The following SPATA13 variants were observed in gnomAD, a reference collection of about 807,000 sequenced individuals.
The protein encoded by SPATA13 is spermatogenesis associated 13.
A neutral mutation model predicts 104.0 loss-of-function variants in SPATA13; 50 were observed. The ratio of observed to expected loss-of-function variants is 0.48; its 90% CI spans 0.38 to 0.61. The LOEUF is 0.61. SPATA13 is among the 20% of genes least tolerant of loss of function. The pLI is 0.00. For synonymous variants in SPATA13, 606 were observed against 667.5 expected (o/e 0.91, Z 1.42); for missense variants, 1,524 against 1,690.6 (o/e 0.90, Z 1.73).
intron 4 of SPATA13, among the ~76,000 whole-genome samples, chr13:24,264,197 G>A (rs1343222363): frequency 6.6e-6 from 1 of 152,100 alleles, no homozygotes; most frequent in Non-Finnish European, 1.5e-5. Context: ...AACATTCTCA[G>A]TTCTCAACAG....
At chr13:24,225,380 G>A (rs1871871422) in intron 2 of SPATA13, among the ~76,000 whole-genome samples, 1 of 152,244 alleles carries the variant, frequency 6.6e-6, no homozygotes, top group Non-Finnish European at 1.5e-5. Context: ...AGGCACCAGC[G>A]TGTGGACGAG....
chr13:24,242,149 T>G lies in SPATA13; in HGVS notation c.1654-7328T>G, dbSNP rs557713692. Among the ~76,000 whole-genome samples, 18 of 152,126 alleles carry G rather than the reference T, an allele frequency of 1.2e-4. No individual in the cohort carries two copies. The East Asian group carries it at 3.3e-3, about 28-fold the overall frequency. ...TATGAATTTACTCCATGAAACAAAA[T>G]CGACACTTGGTTCCATAGACGGCCA... On this transcript the variant is annotated intron_variant, in intron 2 of 12. Coordinates refer to ENST00000382108, the MANE Select transcript of SPATA13 (RefSeq NM_001166271.3).
chr13:24,168,803 T>G (rs1882845168), intron 1 of SPATA13, among the ~76,000 whole-genome samples: 1 of 152,116 alleles, frequency 6.6e-6, no homozygotes, highest in South Asian at 2.1e-4. Flanking sequence ...TTCAAAAGTA[T>G]TATATATTTA....
intron 1 of SPATA13, among the ~76,000 whole-genome samples, chr13:24,203,080 G>A (rs1244144593): frequency 6.6e-6 from 1 of 151,926 alleles, no homozygotes; most frequent in African/African-American, 2.4e-5. Flanking sequence ...CCATCCCTAG[G>A]TATTAAGCCC....
chr13:24,044,494 G>C (rs1878060022), intron 3 of SPATA13, among the ~76,000 whole-genome samples: 1 of 152,128 alleles, frequency 6.6e-6, no homozygotes, highest in Non-Finnish European at 1.5e-5. Flanking sequence ...GCCTCCCAAA[G>C]TGTTGGGATT....
intron 11 of SPATA13, among the ~76,000 whole-genome samples, chr13:24,298,789 C>G (rs1431738635): frequency 6.6e-6 from 1 of 152,170 alleles, no homozygotes; most frequent in African/African-American, 2.4e-5. Flanking sequence ...TGGTCTCACC[C>G]ACAGGAGGTT....
chr13:24,117,355 C>T (rs1414917931), intron 3 of SPATA13, among the ~76,000 whole-genome samples: 1 of 152,152 alleles, frequency 6.6e-6, no homozygotes, highest in African/African-American at 2.4e-5. Flanking sequence ...CTTGTCCTGG[C>T]TCTGTAACCT....
intron 3 of SPATA13, among the ~76,000 whole-genome samples, chr13:24,049,071 G>T (rs1272830997): frequency 6.6e-6 from 1 of 152,216 alleles, no homozygotes; most frequent in East Asian, 1.9e-4. Flanking sequence ...AGGTTAAAAA[G>T]ATAAGAAATG....
chr13:24,220,068 G>C (rs1871488450), intron 1 of SPATA13, among the ~76,000 whole-genome samples: 1 of 152,102 alleles, frequency 6.6e-6, no homozygotes, highest in South Asian at 2.1e-4. Flanking sequence ...TAGAATGAGC[G>C]ATTACCTTAT....
intron 1 of SPATA13, among the ~76,000 whole-genome samples, chr13:24,219,166 A>G (rs1871434268): frequency 6.6e-6 from 1 of 152,206 alleles, no homozygotes; most frequent in South Asian, 2.1e-4. Context: ...CTACAAAACC[A>G]CTAATTGAAT....
At chr13:24,056,333 T>A (rs1465455180) in intron 3 of SPATA13, among the ~76,000 whole-genome samples, 1 of 152,216 alleles carries the variant, frequency 6.6e-6, no homozygotes, top group African/African-American at 2.4e-5. Context: ...TGGAAAGGGG[T>A]GGACAGGCAA....
chr13:24,002,502 G>A (rs938071495), intron 2 of SPATA13, among the ~76,000 whole-genome samples: 1 of 152,148 alleles, frequency 6.6e-6, no homozygotes, highest in Non-Finnish European at 1.5e-5. Context: ...CTGAAAGCAC[G>A]GTTGGCTTAG....
Position 24,224,154 on chromosome 13 carries a change from G to T in SPATA13, c.1225G>T (p.Val409Leu), listed in dbSNP as rs565957473. The change falls in exon 2 of 13, where the codon GTA becomes TTA. Residue 409 changes from valine (V) to leucine (L), a missense_variant. Val to Leu is a conservative substitution (Grantham distance 32). Coordinates refer to ENST00000382108, the MANE Select transcript of SPATA13 (RefSeq NM_001166271.3). The stretch of plus-strand genomic sequence containing the variant: ...GCCCCACCTAGACGCTGACACTGCC[G>T]TATTTCCTCTTGAAACCAAAAGTTC... Reference protein sequence around the residue: ...KGPHLDADTAVFPLETKSSWA... With the variant: ...KGPHLDADTALFPLETKSSWA... The T allele has an allele frequency of 2.4e-5, 38 of 1,551,656 alleles. No individual in the cohort carries two copies. The highest frequency in any genetic ancestry group is 3.2e-5 in the Non-Finnish European group (37 of 1,147,008).
At chr13:24,173,361 GTTGTGTGT>G (rs1883066346) in intron 1 of SPATA13, among the ~76,000 whole-genome samples, 1 of 88,364 alleles carries the variant, frequency 1.1e-5, no homozygotes, top group Non-Finnish European at 2.3e-5. Context: ...TTAGTTCTTA[GTTGTGTGT>G]GTGTGTGTGT....
chr13:24,203,484 C>G (rs1328186180), intron 1 of SPATA13, among the ~76,000 whole-genome samples: 2 of 152,134 alleles, frequency 1.3e-5, no homozygotes, highest in East Asian at 3.9e-4. Context: ...AAGGGGACAG[C>G]ACTTCTGTGG....
In SPATA13 at chr13:24,224,574, A is replaced by G. The variant is rs868234391; in HGVS notation, c.1645A>G (p.Lys549Glu). ...GGCAGCCGGCCCAGAAGAAAAGGAGAAGGAGGAGGTAAGGGCAGCGGCGAG... is the reference window on the plus strand; with the variant it reads ...GGCAGCCGGCCCAGAAGAAAAGGAGGAGGAGGAGGTAAGGGCAGCGGCGAG... ...GVAAGPEEKEKEEVVPDGPWR... is the reference protein window; with the variant it reads ...GVAAGPEEKEEEEVVPDGPWR... The change falls in exon 2 of 13, where the codon AAG (lysine) becomes GAG (glutamate). Residue 549 changes from lysine to glutamate, a missense_variant. Physicochemically the swap from Lys to Glu is moderately conservative, Grantham distance 56 (BLOSUM62 1). Around this residue, in one of 2 missense-constraint regions of SPATA13, gnomAD observed 1,089 missense variants for 1,135.9 expected, o/e 0.96. Transcript: ENST00000382108. The G allele has an allele frequency of 3.1e-5, 47 of 1,538,090 alleles. No individual in the cohort carries two copies. Among genetic ancestry groups the G allele is most frequent in the Middle Eastern group, 3.3e-4 (2 of 6,008 alleles).
chr13:24,244,896 TA>T (rs1873032671), intron 2 of SPATA13, among the ~76,000 whole-genome samples: 1 of 152,206 alleles, frequency 6.6e-6, no homozygotes, highest in South Asian at 2.1e-4. Context: ...AAGCAAGAGT[TA>T]AAAGGGCAGC....
intron 3 of SPATA13, among the ~76,000 whole-genome samples, chr13:24,134,567 GT>G (rs5802264): frequency 0.032 from 4,823 of 152,222 alleles, 202 homozygotes; most frequent in African/African-American, 0.098. Flanking sequence ...AAATTGGTTT[GT>G]TTTTTTAGCA....
chr13:24,045,839 C>T (rs1421785510), intron 3 of SPATA13, among the ~76,000 whole-genome samples: 1 of 152,152 alleles, frequency 6.6e-6, no homozygotes, highest in Non-Finnish European at 1.5e-5. Context: ...TCCTCATGGT[C>T]AGGTAGCAGG....
Sources: allele counts gnomAD v4.1 joint callset (sites outside exome capture counted in the v4.1 genomes callset), GRCh38; gene constraint gnomAD v4.1.1; regional missense constraint gnomAD v4.1.1; transcripts MANE v1.5; gene names NCBI Gene and HGNC (gene_info 2026-07-23, HGNC 2026-07-21).